Variants in SLC24A2 observed in about 807,000 individuals in gnomAD.
SLC24A2 encodes the protein solute carrier family 24 member 2.
In SLC24A2, 36 loss-of-function variants were observed where a neutral mutation model predicts 62.0. That is an observed-to-expected ratio of 0.58 (90% CI 0.44 to 0.77). SLC24A2 has a LOEUF of 0.77. SLC24A2 is among the 30% of genes least tolerant of loss of function. The pLI, the probability that SLC24A2 is intolerant of heterozygous loss-of-function variation, is 0.00. For synonymous variants in SLC24A2, 358 were observed against 294.0 expected, an observed-to-expected ratio of 1.22 and a Z score of -2.23; for missense variants, 846 against 817.9, an observed-to-expected ratio of 1.03 and a Z score of -0.42.
At chr9:19,809,504 G>T in the SLC24A2 span, among the ~76,000 whole-genome samples, 11 of 152,208 alleles carry the variant, frequency 7.2e-5, no homozygotes, top group African/African-American at 2.6e-4. Flanking sequence ...TTAATGAAAA[G>T]CAGCCCCAAA....
At chr9:20,130,612 T>C in the SLC24A2 span, among the ~76,000 whole-genome samples, 7 of 151,842 alleles carry the variant, frequency 4.6e-5, no homozygotes, top group African/African-American at 1.2e-4. Context: ...AAATAGGAAA[T>C]GGGAAATGAA....
At chr9:20,185,963 T>C in the SLC24A2 span, among the ~76,000 whole-genome samples, 6 of 152,164 alleles carry the variant, frequency 3.9e-5, no homozygotes, top group Non-Finnish European at 1.5e-5. Flanking sequence ...GCTTTGCTTT[T>C]GTGATTGGAA....
chr9:19,784,247 C>T (rs990017673), intron 2 of SLC24A2, among the ~76,000 whole-genome samples: 3 of 152,174 alleles, frequency 2.0e-5, no homozygotes, highest in African/African-American at 7.2e-5. Context: ...ATGAAAGCAT[C>T]TTCCACTCCA....
chr9:19,615,327 AC>A (rs1313833653), intron 4 of SLC24A2, among the ~76,000 whole-genome samples: 1 of 152,214 alleles, frequency 6.6e-6, no homozygotes, highest in Admixed American at 6.5e-5. Flanking sequence ...CTTTAGTGCT[AC>A]AAGGAAGCTA....
At chr9:20,024,897 C>G in the SLC24A2 span, among the ~76,000 whole-genome samples, 1 of 152,066 alleles carries the variant, frequency 6.6e-6, no homozygotes, top group African/African-American at 2.4e-5. Context: ...TGAGAAACAC[C>G]TGAGGGGCAA....
chr9:19,680,228 C>A (rs1228245982), intron 2 of SLC24A2, among the ~76,000 whole-genome samples: 1 of 152,068 alleles, frequency 6.6e-6, no homozygotes, highest in Admixed American at 6.6e-5. Context: ...AGCATCCAAC[C>A]CTAACAGAAG....
the SLC24A2 span, among the ~76,000 whole-genome samples, chr9:20,063,267 A>G: frequency 6.6e-6 from 1 of 151,386 alleles, no homozygotes; most frequent in Non-Finnish European, 1.5e-5. Context: ...GATAGACTGG[A>G]TTAAGAAAAT....
the SLC24A2 span, among the ~76,000 whole-genome samples, chr9:19,968,457 A>C: frequency 6.6e-6 from 1 of 152,238 alleles, no homozygotes; most frequent in African/African-American, 2.4e-5. Flanking sequence ...ATAGATGAGG[A>C]AATTGGAATT....
chr9:19,853,996 T>C, the SLC24A2 span, among the ~76,000 whole-genome samples: 77 of 152,324 alleles, frequency 5.1e-4, no homozygotes, highest in Non-Finnish European at 9.6e-4. Flanking sequence ...CATTGGTTTA[T>C]TCAGGGATTC....
At chr9:19,652,335 T>C (rs1818825615) in intron 2 of SLC24A2, among the ~76,000 whole-genome samples, 1 of 152,194 alleles carries the variant, frequency 6.6e-6, no homozygotes, top group African/African-American at 2.4e-5. Context: ...TGTTTGTTTA[T>C]ATGGCAAAAG....
At chr9:19,586,051 A>C (rs889327311) in intron 5 of SLC24A2, among the ~76,000 whole-genome samples, 1 of 152,158 alleles carries the variant, frequency 6.6e-6, no homozygotes, top group African/African-American at 2.4e-5. Context: ...GGAATTCTCC[A>C]CACTTCTTAT....
the SLC24A2 span, among the ~76,000 whole-genome samples, chr9:19,959,711 C>T: frequency 1.3e-4 from 20 of 152,130 alleles, no homozygotes; most frequent in Non-Finnish European, 2.5e-4. Flanking sequence ...TCCTCAAACA[C>T]AAGACTCTTA....
intron 5 of SLC24A2, among the ~76,000 whole-genome samples, chr9:19,584,295 A>C (rs996842568): frequency 3.0e-5 from 3 of 98,560 alleles, no homozygotes; most frequent in Admixed American, 1.0e-4. Context: ...AAAAAAAAAC[A>C]AACAAAAAAC....
chr9:20,063,218 G>A, the SLC24A2 span, among the ~76,000 whole-genome samples: 10 of 151,168 alleles, frequency 6.6e-5, no homozygotes, highest in South Asian at 2.1e-4. Context: ...CACTATTCAC[G>A]ATAGCAAAGA....
At chr9:20,100,757 C>T in the SLC24A2 span, among the ~76,000 whole-genome samples, 2 of 152,162 alleles carry the variant, frequency 1.3e-5, no homozygotes, top group South Asian at 4.1e-4. Context: ...TTTCATTTCA[C>T]AGTATTTATT....
intron 2 of SLC24A2, among the ~76,000 whole-genome samples, chr9:19,708,145 C>T (rs560571840): frequency 6.6e-6 from 1 of 152,100 alleles, no homozygotes; most frequent in African/African-American, 2.4e-5. Flanking sequence ...TGAGTGAACT[C>T]CCATTCACCA....
the SLC24A2 span, among the ~76,000 whole-genome samples, chr9:20,140,678 A>T: frequency 2.0e-5 from 3 of 152,026 alleles, no homozygotes; most frequent in Non-Finnish European, 4.4e-5. Context: ...CACTGTACTA[A>T]ACTTGGCCTG....
the SLC24A2 span, among the ~76,000 whole-genome samples, chr9:19,803,517 T>C: frequency 6.6e-6 from 1 of 152,192 alleles, no homozygotes. Flanking sequence ...GTCTGGAGTT[T>C]TAATTATAAT....
the SLC24A2 span, among the ~76,000 whole-genome samples, chr9:19,988,674 G>C: frequency 6.6e-6 from 1 of 152,172 alleles, no homozygotes; most frequent in Non-Finnish European, 1.5e-5. Flanking sequence ...TGAAGGGACA[G>C]GGAATAGGCA....
Sources: allele counts gnomAD v4.1 joint callset (sites outside exome capture counted in the v4.1 genomes callset), GRCh38; gene constraint gnomAD v4.1.1; transcripts MANE v1.5; gene names NCBI Gene and HGNC (gene_info 2026-07-23, HGNC 2026-07-21).